LIFR: variants seen among roughly 807,000 people sequenced by gnomAD.
The protein encoded by LIFR is leukemia inhibitory factor receptor.
Under a neutral mutation model 122.2 loss-of-function variants are expected in LIFR, and 84 were observed. That is an observed-to-expected ratio of 0.69 (90% CI 0.58 to 0.82). The LOEUF (loss-of-function observed/expected upper bound fraction) is 0.82, where lower values mean the gene tolerates loss of function less well. Among genes scored for constraint, LIFR ranks in the 40% least tolerant of loss-of-function variants. The probability of loss-of-function intolerance (pLI) is 0.00; values close to 1 mark genes in which losing one functional copy is unlikely to be tolerated. For missense variants in LIFR, 1,294 were observed against 1,311.6 expected (o/e 0.99, Z 0.21); for synonymous variants, 422 against 434.7 (o/e 0.97, Z 0.36).
intron 1 of LIFR, among the ~76,000 whole-genome samples, chr5:38,536,271 A>G (rs538195626): frequency 6.6e-6 from 1 of 152,284 alleles, no homozygotes; most frequent in Admixed American, 6.5e-5. Flanking sequence ...GGGTTCTGCA[A>G]CCACAGATTC....
intron 5 of LIFR, among the ~76,000 whole-genome samples, chr5:38,515,134 C>A (rs927656271): frequency 4.6e-5 from 7 of 152,178 alleles, no homozygotes; most frequent in African/African-American, 1.7e-4. Context: ...TGAAGTCTAT[C>A]TTGAGTGAGT....
rs199637361 is a variant in LIFR, at chr5:38,493,699, C to T, written c.1972G>A (p.Val658Ile). ...CGAGACGAGTTACACCACTTAATGA[C>T]GTAGTCGCAAGTCATGTTGGGGTCG... ...HYDPNMTCDY[V>I]IKWCNSSRSE... The change falls in exon 14 of 20, where the codon GTC becomes ATC. Residue 658 changes from valine to isoleucine, a missense_variant. Coordinates refer to ENST00000453190, the MANE Select transcript of LIFR (RefSeq NM_001127671.2). 198 of 1,614,080 alleles carry T rather than the reference C, an allele frequency of 1.2e-4. No individual in the cohort carries two copies. In the East Asian group the frequency reaches 4.2e-3, roughly 35 times the overall value.
chr5:38,590,496 T>C (rs1749889210), intron 1 of LIFR, among the ~76,000 whole-genome samples: 1 of 152,244 alleles, frequency 6.6e-6, no homozygotes, highest in Non-Finnish European at 1.5e-5. Context: ...GGTCCTGTGA[T>C]ATTTTAGGTA....
intron 8 of LIFR, 151 bp downstream of exon 8, chr5:38,506,352 A>C: frequency 2.4e-6 from 2 of 848,492 alleles, no homozygotes; most frequent in Non-Finnish European, 3.8e-6. Flanking sequence ...ATGTGGCTGA[A>C]CTGCAGTGCT....
At chr5:38,545,131 G>T (rs36108370) in intron 1 of LIFR, among the ~76,000 whole-genome samples, 13 of 152,194 alleles carry the variant, frequency 8.5e-5, no homozygotes, top group Admixed American at 7.8e-4. Flanking sequence ...TTAGCCGGGC[G>T]TGGTGGCGGA....
At chr5:38,585,712 C>T (rs1055964420) in intron 1 of LIFR, among the ~76,000 whole-genome samples, 1 of 152,078 alleles carries the variant, frequency 6.6e-6, no homozygotes, top group African/African-American at 2.4e-5. Context: ...AAATGGTAAC[C>T]TAGTTGCTCA....
At chr5:38,496,970 C>A (rs888348381) in intron 12 of LIFR, among the ~76,000 whole-genome samples, 1 of 151,944 alleles carries the variant, frequency 6.6e-6, no homozygotes, top group Admixed American at 6.6e-5. Flanking sequence ...GAGCGAGACT[C>A]CATCTCAAAA....
intron 1 of LIFR, among the ~76,000 whole-genome samples, chr5:38,548,501 T>C (rs976443507): frequency 2.0e-5 from 3 of 152,188 alleles, no homozygotes; most frequent in African/African-American, 7.2e-5. Flanking sequence ...TTGAACCACA[T>C]TGGTCACTTC....
At position 38,493,791 on chromosome 5, in the gene LIFR, A is replaced by G. The variant is rs748108848; in HGVS notation, c.1886-6T>C. The stretch of plus-strand genomic sequence containing the variant: ...TTGTTCTATTTTGAGATCATCTTCA[A>G]TAAGAAAGGAGGATATTTTACTGGC... On this transcript the variant is annotated splice_region_variant and splice_polypyrimidine_tract_variant and intron_variant, in intron 13 of 19. Coordinates refer to ENST00000453190, the MANE Select transcript of LIFR (RefSeq NM_001127671.2). 3 of 1,612,290 alleles carry G rather than the reference A, an allele frequency of 1.9e-6. No homozygotes were observed. Among genetic ancestry groups the G allele is most frequent in the East Asian group, 2.2e-5 (1 of 44,874 alleles).
chr5:38,607,637 G>A (rs1287132356), intron 1 of LIFR: 2 of 152,122 alleles, frequency 1.3e-5, no homozygotes, highest in Admixed American at 1.3e-4. Flanking sequence ...GTGGAACAGC[G>A]GTCAGAGCAT....
chr5:38,581,767 A>T (rs574695779), intron 1 of LIFR, among the ~76,000 whole-genome samples: 12 of 152,342 alleles, frequency 7.9e-5, no homozygotes, highest in Non-Finnish European at 1.3e-4. Flanking sequence ...AGCAAGTCAC[A>T]TGGCCAAAAT....
chr5:38,552,057 C>A (rs1487852753), intron 1 of LIFR, among the ~76,000 whole-genome samples: 1 of 152,200 alleles, frequency 6.6e-6, no homozygotes, highest in Non-Finnish European at 1.5e-5. Context: ...CAAAAGGACA[C>A]AGGCTTCTTT....
rs1743779845 is a variant in LIFR, at chr5:38,477,487, GAC to G, written c.*4106_*4107del. The G allele has an allele frequency of 4.6e-6, 1 of 215,902 alleles. No homozygotes were observed. The highest frequency in any genetic ancestry group is 9.3e-6 in the Non-Finnish European group (1 of 107,294). 13.4% of individuals were successfully genotyped at this position (215,902 alleles called of 1,614,324 possible). A position where few individuals can be genotyped will look rare whatever the true frequency, so the allele number is the denominator to read the frequency against. On this transcript the variant is annotated 3_prime_UTR_variant, in exon 20 of 20. Transcript: ENST00000453190. ...TCTGAATCAGTTAACCTCACACACG[GAC>G]ACACTGTTGGGCAGAACACATGCTG... is the stretch of plus-strand genomic sequence containing the variant.
intron 14 of LIFR, among the ~76,000 whole-genome samples, chr5:38,491,348 C>T (rs574696838): frequency 1.4e-4 from 22 of 152,206 alleles, no homozygotes; most frequent in Admixed American, 1.3e-3. Context: ...GGAAGACAGA[C>T]GAACAAGGGT....
At chr5:38,591,845 C>T (rs1260603461) in intron 1 of LIFR, among the ~76,000 whole-genome samples, 1 of 152,180 alleles carries the variant, frequency 6.6e-6, no homozygotes, top group Non-Finnish European at 1.5e-5. Context: ...ATTCCTAAGA[C>T]TGTGTTTGAC....
chr5:38,517,073 G>C (rs919799790), intron 5 of LIFR, among the ~76,000 whole-genome samples: 1 of 152,058 alleles, frequency 6.6e-6, no homozygotes, highest in Non-Finnish European at 1.5e-5. Context: ...GGGGGCTAGG[G>C]AAAGGATAGC....
chr5:38,526,799 T>C (rs890147646), intron 4 of LIFR, among the ~76,000 whole-genome samples: 2 of 152,212 alleles, frequency 1.3e-5, no homozygotes, highest in African/African-American at 4.8e-5. Flanking sequence ...TCCTACAGTC[T>C]GTCTTGATTT....
At chr5:38,607,121 CTGTT>C (rs1730597069) in intron 1 of LIFR, among the ~76,000 whole-genome samples, 1 of 152,168 alleles carries the variant, frequency 6.6e-6, no homozygotes, top group Admixed American at 6.5e-5. Context: ...AGATTATACA[CTGTT>C]TGGTATCTTC....
intron 1 of LIFR, among the ~76,000 whole-genome samples, chr5:38,589,718 A>ATGTGTGTGTGTGTG (rs35505046): frequency 2.7e-5 from 4 of 146,188 alleles, no homozygotes; most frequent in East Asian, 2.0e-4. Context: ...AGAGAAGAAA[A>ATGTGTGTGTGTGTG]TGTGTGTGTG....
Sources: allele counts gnomAD v4.1 joint callset (sites outside exome capture counted in the v4.1 genomes callset), GRCh38; gene constraint gnomAD v4.1.1; transcripts MANE v1.5; gene names NCBI Gene and HGNC (gene_info 2026-07-23, HGNC 2026-07-21).